The following RPH3A variants were observed in gnomAD, a reference collection of about 807,000 sequenced individuals.
The protein encoded by RPH3A is rabphilin-3A.
Under a neutral mutation model 102.2 loss-of-function variants are expected in RPH3A, and 48 were observed. That is an observed-to-expected ratio of 0.47 (90% confidence interval 0.37 to 0.60). RPH3A has a LOEUF of 0.60. Ranked by LOEUF, RPH3A falls within the 20% of genes least tolerant of loss-of-function variation. RPH3A has a pLI of 0.00. For synonymous variants in RPH3A, 310 were observed against 324.3 expected, an observed-to-expected ratio of 0.96 and a Z score of 0.47; for missense variants, 781 against 910.1, an observed-to-expected ratio of 0.86 and a Z score of 1.83.
At position 112,783,331 on chromosome 12, in the gene RPH3A, C is replaced by A. The variant is rs963399683; in HGVS notation, c.-139-8812C>A. ...CATTGCCCCACCCCCTACCCCACTTCCCTGGTCTCCCGTGGAGGTAACTGA... is the reference window on the plus strand; with the variant it reads ...CATTGCCCCACCCCCTACCCCACTTACCTGGTCTCCCGTGGAGGTAACTGA... On this transcript the variant is annotated intron_variant, in intron 1 of 21. Coordinates refer to the RPH3A transcript ENST00000543106. Among the ~76,000 whole-genome samples the A allele has an allele frequency of 1.2e-4, 19 of 152,150 alleles. 1 individual carries two copies.
rs770824518 is a variant in RPH3A at position 112,896,646 on chromosome 12, C to T, written c.1955-4C>T. The T allele has an allele frequency of 2.0e-5, 33 of 1,613,912 alleles. No homozygotes were observed. The highest frequency in any genetic ancestry group is 2.8e-5 in the Non-Finnish European group (33 of 1,179,950). On this transcript the variant is annotated splice_region_variant and splice_polypyrimidine_tract_variant and intron_variant, in intron 21 of 21. Coordinates refer to ENST00000389385, the MANE Select transcript of RPH3A (RefSeq NM_001143854.2). ...CTGCTCCTATCTTCCCATTTATCCT[C>T]CAGGAGGCTGCCAGCTGGGGATCTC...
intron 1 of RPH3A, among the ~76,000 whole-genome samples, chr12:112,785,300 A>T (rs938012239): frequency 6.6e-6 from 1 of 151,508 alleles, no homozygotes; most frequent in Non-Finnish European, 1.5e-5. Context: ...GCATACCCAG[A>T]GGAATGATTT....
intron 1 of RPH3A, among the ~76,000 whole-genome samples, chr12:112,750,408 T>C (rs1282472071): frequency 6.6e-6 from 1 of 152,132 alleles, no homozygotes; most frequent in African/African-American, 2.4e-5. Context: ...CAACTGGAGC[T>C]TAATCCCACT....
At chr12:112,850,509 C>T (rs2042305243) in intron 5 of RPH3A, among the ~76,000 whole-genome samples, 1 of 152,148 alleles carries the variant, frequency 6.6e-6, no homozygotes, top group Non-Finnish European at 1.5e-5. Flanking sequence ...TGTCCCTTTG[C>T]TGAGACAATG....
At position 112,890,192 on chromosome 12, in the gene RPH3A, C is replaced by T; in HGVS notation, c.1620+112C>T. 7 of 944,824 alleles carry T rather than the reference C, an allele frequency of 7.4e-6. No homozygotes were observed. The East Asian group carries it at 1.2e-4, about 16-fold the overall frequency. 58.5% of individuals were successfully genotyped at this position (944,824 alleles called of 1,614,324 possible). A position where few individuals can be genotyped will look rare whatever the true frequency, so the allele number is the denominator to read the frequency against. ...TTCCTCATCCATTCTCTTCCAACCACCCCCCTGTTGATTTGCCTTGAGAAC... is the reference window on the plus strand; with the variant it reads ...TTCCTCATCCATTCTCTTCCAACCATCCCCCTGTTGATTTGCCTTGAGAAC... On this transcript the variant is annotated intron_variant, in intron 18 of 21. Coordinates refer to ENST00000389385, the MANE Select transcript of RPH3A (RefSeq NM_001143854.2).
At chr12:112,797,697 T>A (rs1454683938) in intron 2 of RPH3A, among the ~76,000 whole-genome samples, 28 of 126,984 alleles carry the variant, frequency 2.2e-4, no homozygotes, top group African/African-American at 6.5e-4. Context: ...AAAAAAAAAA[T>A]TTTTTTTTTT....
intron 1 of RPH3A, among the ~76,000 whole-genome samples, chr12:112,715,233 C>T (rs2040505452): frequency 6.6e-6 from 1 of 152,176 alleles, no homozygotes; most frequent in South Asian, 2.1e-4. Context: ...TATTCACTTG[C>T]CTAGCTCCTT....
At chr12:112,863,673 A>G (rs1425454992) in intron 5 of RPH3A, among the ~76,000 whole-genome samples, 1 of 152,236 alleles carries the variant, frequency 6.6e-6, no homozygotes, top group African/African-American at 2.4e-5. Flanking sequence ...TGGGTAAGTC[A>G]TTTAACTTCC....
At chr12:112,852,053 A>G (rs888334380) in intron 5 of RPH3A, among the ~76,000 whole-genome samples, 5 of 152,204 alleles carry the variant, frequency 3.3e-5, no homozygotes, top group Admixed American at 3.3e-4. Context: ...TTTCTGCTTC[A>G]GGGGACGTGG....
intron 1 of RPH3A, among the ~76,000 whole-genome samples, chr12:112,616,108 A>C (rs2039676761): frequency 6.6e-6 from 1 of 152,058 alleles, no homozygotes; most frequent in Admixed American, 6.6e-5. Context: ...AGCCCTGCCG[A>C]GCAACTGGTT....
intron 20 of RPH3A, among the ~76,000 whole-genome samples, 158 bp downstream of exon 20, chr12:112,894,817 AT>A (rs2043153595): frequency 6.6e-6 from 1 of 152,258 alleles, no homozygotes; most frequent in African/African-American, 2.4e-5. Flanking sequence ...ATTTGAGAAC[AT>A]GCTAAGTTGG....
Position 112,896,789 on chromosome 12 carries a change from C to G in RPH3A, c.*9C>G, listed in dbSNP as rs745677627. 1.9e-6 allele frequency: 3 copies of G among 1,613,640 alleles called. No individual in the cohort carries two copies. The South Asian group carries it at 3.3e-5, about 18-fold the overall frequency. ...ACGTGTCAAGTGATTAGGCTAGTGC[C>G]CAGGTCCCCATCTCCATGTCCCGGG... On this transcript the variant is annotated 3_prime_UTR_variant, in exon 22 of 22. Coordinates refer to ENST00000389385, the MANE Select transcript of RPH3A (RefSeq NM_001143854.2).
upstream of RPH3A, chr12:112,791,319 C>T (rs1337908841): frequency 1.3e-5 from 2 of 152,252 alleles, no homozygotes; most frequent in African/African-American, 2.4e-5. Context: ...GGACTGGGGG[C>T]GTGTGGGAGA....
chr12:112,872,267 C>T (rs770506153), intron 10 of RPH3A, among the ~76,000 whole-genome samples: 10 of 152,108 alleles, frequency 6.6e-5, no homozygotes, highest in Non-Finnish European at 8.8e-5. Context: ...AGTGGCATCT[C>T]CTTGTGGTTT....
chr12:112,713,045 T>TCTTCTC (rs879898401), intron 1 of RPH3A, among the ~76,000 whole-genome samples: 5 of 77,512 alleles, frequency 6.5e-5, no homozygotes, highest in Non-Finnish European at 1.2e-4. Context: ...TTCTTCTTCT[T>TCTTCTC]CTTCTCCTTC....
chr12:112,684,886 A>T (rs2040252294), intron 1 of RPH3A, among the ~76,000 whole-genome samples: 1 of 152,156 alleles, frequency 6.6e-6, no homozygotes, highest in Admixed American at 6.5e-5. Flanking sequence ...ATGTCTGGTA[A>T]GGGCTTGCTT....
chr12:112,727,370 G>A (rs1057173175), intron 1 of RPH3A, among the ~76,000 whole-genome samples: 42 of 138,234 alleles, frequency 3.0e-4, no homozygotes, highest in South Asian at 2.3e-4. Flanking sequence ...CGGCCTGGGC[G>A]ACAGAGCAAG....
chr12:112,880,061 T>G (rs1476369971), intron 14 of RPH3A, among the ~76,000 whole-genome samples: 1 of 152,254 alleles, frequency 6.6e-6, no homozygotes, highest in African/African-American at 2.4e-5. Flanking sequence ...TTTTTCACTC[T>G]TAAAATGTCT....
intron 1 of RPH3A, among the ~76,000 whole-genome samples, chr12:112,731,897 CA>C (rs1234083714): frequency 6.6e-6 from 1 of 152,138 alleles, no homozygotes; most frequent in African/African-American, 2.4e-5. Flanking sequence ...CCCACCTCCC[CA>C]AAAAATCCAT....
Sources: gnomAD v4.1 joint callset for allele counts (sites outside exome capture counted in the v4.1 genomes callset) on GRCh38, gnomAD v4.1.1 for gene constraint, MANE v1.5 for transcripts, NCBI Gene and HGNC (gene_info 2026-07-23, HGNC 2026-07-21) for gene names.